Variants in MCF2L2 observed in about 807,000 individuals in gnomAD.
The protein encoded by MCF2L2 is probable guanine nucleotide exchange factor MCF2L2.
In MCF2L2, 102 loss-of-function variants were observed where a neutral mutation model predicts 150.2. The ratio of observed to expected loss-of-function variants is 0.68; its 90% CI spans 0.58 to 0.80. The LOEUF (loss-of-function observed/expected upper bound fraction) is 0.80, where lower values mean the gene tolerates loss of function less well. MCF2L2 is among the 30% of genes least tolerant of loss of function. MCF2L2 has a pLI of 0.00. For missense variants in MCF2L2, 1,256 were observed against 1,372.8 expected, an observed-to-expected ratio of 0.91 and a Z score of 1.34; for synonymous variants, 465 against 491.3, an observed-to-expected ratio of 0.95 and a Z score of 0.71.
chr3:183,289,500 A>G (rs1234765614), intron 13 of MCF2L2, among the ~76,000 whole-genome samples: 1 of 152,208 alleles, frequency 6.6e-6, no homozygotes. Context: ...AAATCTGTAC[A>G]TATAGCAATG....
intron 5 of MCF2L2, among the ~76,000 whole-genome samples, chr3:183,332,665 T>C (rs1243129678): frequency 1.3e-5 from 2 of 152,144 alleles, no homozygotes; most frequent in Non-Finnish European, 2.9e-5. Flanking sequence ...AATTGATGAG[T>C]CTTCATTTCT....
chr3:183,282,169 ATTTATTTTAT>A (rs569890962), intron 14 of MCF2L2, among the ~76,000 whole-genome samples: 13 of 150,396 alleles, frequency 8.6e-5, no homozygotes, highest in Middle Eastern at 3.4e-3. Context: ...TATTATTATT[ATTTATTTTAT>A]TTTATTTTAT....
intron 27 of MCF2L2, among the ~76,000 whole-genome samples, chr3:183,192,422 A>C (rs1266399969): frequency 2.0e-5 from 3 of 152,242 alleles, no homozygotes; most frequent in East Asian, 1.9e-4. Flanking sequence ...TATAGGCGTG[A>C]GCCACCGTGC....
At chr3:183,314,907 CTTTTTTTTTTTTTTTTTTTTTTTTTTT>C (rs869078971) in intron 7 of MCF2L2, among the ~76,000 whole-genome samples, 1 of 13,802 alleles carries the variant, frequency 7.2e-5, no homozygotes, top group Non-Finnish European at 1.3e-4. Context: ...TTTTTCTTTT[CTTTTTTTTTTTTTTTTTTTTTTTTTTT>C]TTTTTTTTTT....
At chr3:183,276,825 T>C in intron 15 of MCF2L2, 47 bp downstream of exon 15, 1 of 1,360,666 alleles carries the variant, frequency 7.3e-7, no homozygotes, top group African/African-American at 1.4e-5. Context: ...TCGCCACCCA[T>C]GCCCCGCACC....
At position 183,181,872 on chromosome 3, in the gene MCF2L2, C is replaced by T. The variant is rs550973234; in HGVS notation, c.3017-1713G>A. Among the ~76,000 whole-genome samples, 28 of 152,114 alleles carry T rather than the reference C, an allele frequency of 1.8e-4. No homozygotes were observed. Among genetic ancestry groups the T allele is most frequent in the African/African-American group, 6.7e-4 (28 of 41,518 alleles). On this transcript the variant is annotated intron_variant, in intron 27 of 29. Coordinates refer to ENST00000328913, the MANE Select transcript of MCF2L2 (RefSeq NM_015078.4). This position sits in a 1 kb window ranked among gnomAD's most constrained non-coding sequence, Gnocchi z 4.3. ...GCCTGGGGTGGGCAGGGCTGGGAGGCGACACAGGAACTGAAAAACCTGACA... is the reference window on the plus strand; with the variant it reads ...GCCTGGGGTGGGCAGGGCTGGGAGGTGACACAGGAACTGAAAAACCTGACA...
At chr3:183,405,199 A>G (rs11720281) in intron 1 of MCF2L2, among the ~76,000 whole-genome samples, 56,888 of 151,988 alleles carry the variant, frequency 0.37, 10,915 homozygotes, top group African/African-American at 0.44. Flanking sequence ...AAAGCTAGAG[A>G]GATATAGCTC....
chr3:183,361,823 T>C (rs556201035), intron 3 of MCF2L2, among the ~76,000 whole-genome samples: 23 of 152,232 alleles, frequency 1.5e-4, no homozygotes, highest in Non-Finnish European at 2.5e-4. Flanking sequence ...ATCAGTAGCA[T>C]GTAAGTTCAG....
At chr3:183,323,451 A>G in intron 5 of MCF2L2, 100 bp from the exon 6 acceptor site, 1 of 453,448 alleles carries the variant, frequency 2.2e-6, no homozygotes, top group South Asian at 5.2e-5. Flanking sequence ...ATATTCTATT[A>G]TTATTTAAAT....
chr3:183,410,206 T>C (rs1272338399), intron 1 of MCF2L2, among the ~76,000 whole-genome samples: 2 of 152,190 alleles, frequency 1.3e-5, no homozygotes, highest in African/African-American at 2.4e-5. Flanking sequence ...TCAAGTCACA[T>C]CTCATATGAA....
intron 1 of MCF2L2, among the ~76,000 whole-genome samples, chr3:183,411,897 G>A (rs565297122): frequency 1.1e-4 from 16 of 152,222 alleles, no homozygotes; most frequent in South Asian, 6.2e-4. Flanking sequence ...TTCTGGTATC[G>A]CTTGCAAAGA....
At chr3:183,367,394 T>C (rs1297268501) in intron 3 of MCF2L2, among the ~76,000 whole-genome samples, 2 of 140,190 alleles carry the variant, frequency 1.4e-5, no homozygotes, top group Non-Finnish European at 3.0e-5. Flanking sequence ...ACCTGGCTAC[T>C]TTTTTTTGTA....
chr3:183,220,350 C>T (rs1407829347), intron 20 of MCF2L2, among the ~76,000 whole-genome samples: 1 of 151,822 alleles, frequency 6.6e-6, no homozygotes, highest in African/African-American at 2.4e-5. Context: ...AGAGATAAAC[C>T]ATTTTTCTCA....
In MCF2L2 at chr3:183,224,156, T is replaced by C. The variant is rs1469280642; in HGVS notation, c.2150A>G (p.Lys717Arg). 1 of 1,613,884 alleles carries C rather than the reference T, an allele frequency of 6.2e-7. No individual in the cohort carries two copies. Among genetic ancestry groups the C allele is most frequent in the Non-Finnish European group, 8.5e-7 (1 of 1,179,772 alleles). The change falls in exon 19 of 30, where the codon AAG becomes AGG. Residue 717 changes from lysine (K) to arginine (R), a missense_variant. By Grantham distance (26) the Lys-to-Arg change is conservative. Coordinates refer to ENST00000328913, the MANE Select transcript of MCF2L2 (RefSeq NM_015078.4). Reference protein sequence around the residue: ...EDLQIYFKYHKNLPRARAIWQ... With the variant: ...EDLQIYFKYHRNLPRARAIWQ... ...GATTGCCCTAGCTCGGGGCAGATTCTTATGGTATTTAAAATATATCTGAAG... is the reference window on the plus strand; with the variant it reads ...GATTGCCCTAGCTCGGGGCAGATTCCTATGGTATTTAAAATATATCTGAAG...
intron 3 of MCF2L2, among the ~76,000 whole-genome samples, chr3:183,353,389 C>T (rs1456220474): frequency 6.6e-6 from 1 of 152,180 alleles, no homozygotes; most frequent in Non-Finnish European, 1.5e-5. Context: ...CCACCAGACA[C>T]ATCCAGTAAT....
chr3:183,269,713 AC>A, intron 15 of MCF2L2: 9 of 1,221,312 alleles, frequency 7.4e-6, no homozygotes, highest in Non-Finnish European at 1.0e-5. Context: ...ATGGACACCT[AC>A]TCTACGAAAC....
chr3:183,411,379 G>A (rs1236230103), intron 1 of MCF2L2, among the ~76,000 whole-genome samples: 1 of 152,116 alleles, frequency 6.6e-6, no homozygotes, highest in Admixed American at 6.5e-5. Flanking sequence ...ACACTCATTT[G>A]GGAAGAGCTG....
At chr3:183,266,816 T>C (rs1463257207) in intron 15 of MCF2L2, among the ~76,000 whole-genome samples, 1 of 150,666 alleles carries the variant, frequency 6.6e-6, no homozygotes, top group African/African-American at 2.5e-5. Flanking sequence ...AGATGGAATC[T>C]CATTCTGTCA....
At chr3:183,189,894 T>C (rs989518303) in intron 27 of MCF2L2, among the ~76,000 whole-genome samples, 3 of 152,164 alleles carry the variant, frequency 2.0e-5, no homozygotes, top group Non-Finnish European at 4.4e-5. Flanking sequence ...TAATGACTCA[T>C]CTACTGGCAC....
Sources: gnomAD v4.1 joint callset for allele counts (sites outside exome capture counted in the v4.1 genomes callset) on GRCh38, gnomAD v4.1.1 for gene constraint, Gnocchi (gnomAD v3.1) non-coding constraint, MANE v1.5 for transcripts, NCBI Gene and HGNC (gene_info 2026-07-23, HGNC 2026-07-21) for gene names.